The following DOCK5 variants were observed in gnomAD, a reference collection of about 807,000 sequenced individuals.
DOCK5 encodes dedicator of cytokinesis protein 5.
Under a neutral mutation model 251.8 loss-of-function variants are expected in DOCK5, and 142 were observed. The observed-to-expected ratio is 0.56, with a 90% CI of 0.49 to 0.65. The LOEUF (loss-of-function observed/expected upper bound fraction) is 0.65, where lower values mean the gene tolerates loss of function less well. Among genes scored for constraint, DOCK5 ranks in the 30% least tolerant of loss-of-function variants. DOCK5 has a pLI of 0.00. For missense variants in DOCK5, 2,111 were observed against 2,312.3 expected (o/e 0.91, Z 1.79); for synonymous variants, 842 against 835.5 (o/e 1.01, Z -0.13).
intron 39 of DOCK5, 52 bp downstream of exon 39, chr8:25,380,446 C>G (rs1470128625): frequency 1.4e-6 from 2 of 1,452,538 alleles, no homozygotes; most frequent in Admixed American, 3.9e-5. Flanking sequence ...CTAAAATTAG[C>G]ACTCATGAAA....
Position 25,302,378 on chromosome 8 carries a change from T to G in DOCK5, c.900T>G (p.Ile300Met), listed in dbSNP as rs1424676953. The G allele has an allele frequency of 6.2e-7, 1 of 1,612,300 alleles. No homozygotes were observed. Among genetic ancestry groups the G allele is most frequent in the Admixed American group, 1.7e-5 (1 of 59,782 alleles). The change falls in exon 10 of 52, where the codon ATT (isoleucine) becomes ATG (methionine). Residue 300 changes from isoleucine (I) to methionine (M), a missense_variant. This residue lies in a region of DOCK5 where 59 missense variants were observed against 95.0 expected (regional missense o/e 0.62). Transcript: ENST00000276440. ...CCCGCGTCAGCCTTGTGTGCCAGATTGTCCGCGTGGGCCATATGGAGCTGA... is the reference window on the plus strand; with the variant it reads ...CCCGCGTCAGCCTTGTGTGCCAGATGGTCCGCGTGGGCCATATGGAGCTGA... ...IRPRVSLVCQ[I>M]VRVGHMELKE...
At chr8:25,405,879 C>T (rs1801514006) in intron 48 of DOCK5, among the ~76,000 whole-genome samples, 1 of 152,116 alleles carries the variant, frequency 6.6e-6, no homozygotes, top group South Asian at 2.1e-4. Context: ...GAAAACAATG[C>T]TTTATTACTT....
intron 1 of DOCK5, among the ~76,000 whole-genome samples, chr8:25,200,179 A>G (rs917060832): frequency 2.6e-5 from 4 of 152,212 alleles, no homozygotes; most frequent in Admixed American, 2.6e-4. Context: ...TTGTGACTTG[A>G]AAATTCCAAT....
chr8:25,331,260 C>CAT (rs1460368825), intron 18 of DOCK5, among the ~76,000 whole-genome samples: 7 of 151,804 alleles, frequency 4.6e-5, no homozygotes, highest in Non-Finnish European at 8.8e-5. Flanking sequence ...CACACACACA[C>CAT]ACACACACAC....
chr8:25,185,562 G>A (rs1320881204), intron 1 of DOCK5, among the ~76,000 whole-genome samples: 1 of 152,180 alleles, frequency 6.6e-6, no homozygotes, highest in Non-Finnish European at 1.5e-5. Context: ...GAAGGGGGTG[G>A]CTGGCCCCTG....
intron 14 of DOCK5, 94 bp downstream of exon 14, chr8:25,317,225 G>T: frequency 6.5e-7 from 1 of 1,532,842 alleles, no homozygotes; most frequent in African/African-American, 1.4e-5. Context: ...CTTTGCATCA[G>T]GATGGGTTTG....
At chr8:25,204,201 C>T (rs1185184571) in intron 1 of DOCK5, among the ~76,000 whole-genome samples, 4 of 152,084 alleles carry the variant, frequency 2.6e-5, no homozygotes, top group Non-Finnish European at 4.4e-5. Flanking sequence ...CAGGAATTAT[C>T]GACTTCATAG....
chr8:25,304,497 T>A, intron 11 of DOCK5, 170 bp downstream of exon 11: 1 of 555,402 alleles, frequency 1.8e-6, no homozygotes, highest in Non-Finnish European at 3.1e-6. Flanking sequence ...AAGTCCTTGA[T>A]GTTGGACTCC....
intron 40 of DOCK5, among the ~76,000 whole-genome samples, chr8:25,383,373 TCCTAACAGTG>T (rs1023826205): frequency 5.9e-5 from 9 of 152,172 alleles, no homozygotes; most frequent in Non-Finnish European, 1.3e-4. Context: ...CAATTTACAT[TCCTAACAGTG>T]CCTAATGAGA....
chr8:25,365,576 G>T (rs913756879), intron 30 of DOCK5, among the ~76,000 whole-genome samples: 1 of 152,218 alleles, frequency 6.6e-6, no homozygotes, highest in African/African-American at 2.4e-5. Flanking sequence ...TAAATACCCT[G>T]TAGAAGTTTT....
chr8:25,332,289 C>T lies in DOCK5; in HGVS notation c.1942C>T (p.Gln648Ter). Residue 648 changes from glutamine (Q) to a stop codon, truncating the protein, a stop_gained, in exon 19 of 52, where the codon CAG becomes TAG. Transcript: ENST00000276440. LOFTEE classifies it high-confidence loss of function. ...LGLLNWRSNS[Q>*]NIKHNLKKLM... ...CTTGTTAAATTGGCGTTCCAACTCC[C>T]AGAACATTAAACACAACCTAAAGAA... The T allele has an allele frequency of 6.2e-7, 1 of 1,613,466 alleles. No individual in the cohort carries two copies. Among genetic ancestry groups the T allele is most frequent in the Non-Finnish European group, 8.5e-7 (1 of 1,179,654 alleles).
At chr8:25,260,535 C>T (rs1803551362) in intron 2 of DOCK5, among the ~76,000 whole-genome samples, 1 of 152,078 alleles carries the variant, frequency 6.6e-6, no homozygotes, top group African/African-American at 2.4e-5. Context: ...ATCATGCGTC[C>T]CTCTCAGTAA....
intron 1 of DOCK5, among the ~76,000 whole-genome samples, chr8:25,211,395 T>A (rs6992466): frequency 0.5 from 35,068 of 69,854 alleles, 15,722 homozygotes; most frequent in African/African-American, 0.72. Context: ...GATAAACTGT[T>A]TGAGTGCCTA....
At chr8:25,344,457 G>A (rs750652335) in intron 25 of DOCK5, among the ~76,000 whole-genome samples, 2 of 152,168 alleles carry the variant, frequency 1.3e-5, no homozygotes, top group Non-Finnish European at 2.9e-5. Flanking sequence ...CGTTAAACAA[G>A]TTGAGTGGAT....
At position 25,368,174 on chromosome 8, in the gene DOCK5, T is replaced by G. The variant is rs370459631; in HGVS notation, c.3225-18T>G. On this transcript the variant is annotated intron_variant, in intron 31 of 51. Coordinates refer to ENST00000276440, the MANE Select transcript of DOCK5 (RefSeq NM_024940.8). Reference sequence around the variant, plus strand: ...TTCTACTGAAAATCCTCCTTCTAGTTTATGATCTTCTTCCTAGATATGGGG... The same window carrying G: ...TTCTACTGAAAATCCTCCTTCTAGTGTATGATCTTCTTCCTAGATATGGGG... The G allele has an allele frequency of 3.1e-6, 5 of 1,602,806 alleles. No homozygotes were observed. The African/African-American group carries it at 4.0e-5, about 13-fold the overall frequency.
intron 11 of DOCK5, among the ~76,000 whole-genome samples, chr8:25,306,483 G>A (rs1804930541): frequency 1.3e-5 from 2 of 152,094 alleles, no homozygotes; most frequent in African/African-American, 4.8e-5. Flanking sequence ...AAGGCGGGCA[G>A]ATCACAAGGT....
At chr8:25,216,026 G>C (rs1197522341) in intron 1 of DOCK5, among the ~76,000 whole-genome samples, 2 of 149,044 alleles carry the variant, frequency 1.3e-5, no homozygotes, top group East Asian at 4.0e-4. Context: ...TATACAACAT[G>C]TATATACGTG....
At chr8:25,304,380 A>C (rs1804846892) in intron 11 of DOCK5, 53 bp downstream of exon 11, 1 of 1,484,796 alleles carries the variant, frequency 6.7e-7, no homozygotes, top group Admixed American at 2.3e-5. Context: ...TTAGCCATTC[A>C]ATTGTCTTTT....
intron 36 of DOCK5, 62 bp from the exon 37 acceptor site, chr8:25,374,502 A>G: frequency 6.8e-7 from 1 of 1,480,900 alleles, no homozygotes. Flanking sequence ...GTCTCAAAAC[A>G]GAACTAAAAA....
Sources: gnomAD v4.1 joint callset for allele counts (sites outside exome capture counted in the v4.1 genomes callset) on GRCh38, gnomAD v4.1.1 for gene constraint, gnomAD v4.1.1 regional missense constraint, MANE v1.5 for transcripts, NCBI Gene and HGNC (gene_info 2026-07-23, HGNC 2026-07-21) for gene names.